NID1: variants seen among roughly 807,000 people sequenced by gnomAD.
NID1 encodes nidogen 1, also known as nidogen-1.
NID1 carries 76 observed loss-of-function variants against 130.6 expected under a neutral mutation model. That is an observed-to-expected ratio of 0.58 (90% CI 0.48 to 0.70). The LOEUF is 0.70. Ranked by LOEUF, NID1 falls within the 30% of genes least tolerant of loss-of-function variation. The pLI is 0.00. For synonymous variants in NID1, 665 were observed against 675.1 expected, an observed-to-expected ratio of 0.98 and a Z score of 0.23; for missense variants, 1,517 against 1,664.8, an observed-to-expected ratio of 0.91 and a Z score of 1.54.
At position 235,976,739 on chromosome 1, in the gene NID1, G is replaced by A. The variant is rs909570454; in HGVS notation, c.*1128C>T. 6.6e-6 allele frequency: 1 copy of A among 152,152 alleles called. No homozygotes were observed. Among genetic ancestry groups the A allele is most frequent in the African/African-American group, 2.4e-5 (1 of 41,426 alleles). The allele number at this position is 152,152 out of a possible 1,614,324, so 9.4% of individuals were successfully genotyped here. A position where few individuals can be genotyped will look rare whatever the true frequency, so the allele number is the denominator to read the frequency against. ...GAGCAATAAAGGATATGAACCATTA[G>A]TATAAATATTCAATTCAGTCTTTCC... On this transcript the variant is annotated 3_prime_UTR_variant, in exon 20 of 20. Coordinates refer to ENST00000264187, the MANE Select transcript of NID1 (RefSeq NM_002508.3).
rs571544787 is a variant in NID1, at chr1:235,992,644, A to C, written c.2755+1001T>G. ...CTCCCTACACTGTTCCTGTCTATTC[A>C]CCGTCCTTTCCGCTTCTTGGGGGCC... On this transcript the variant is annotated intron_variant, in intron 13 of 19. Coordinates refer to ENST00000264187, the MANE Select transcript of NID1 (RefSeq NM_002508.3). Among the ~76,000 whole-genome samples, 5 of 151,334 alleles carry C rather than the reference A, an allele frequency of 3.3e-5. No individual in the cohort carries two copies. In the East Asian group the frequency reaches 9.7e-4, roughly 29 times the overall value.
chr1:236,003,174 C>T (rs1028904551), intron 12 of NID1, among the ~76,000 whole-genome samples: 1 of 149,138 alleles, frequency 6.7e-6, no homozygotes, highest in Admixed American at 6.6e-5. Context: ...AGTTGTCACT[C>T]CTAGTGAACG....
chr1:236,004,922 T>A (rs1259181873), intron 12 of NID1, among the ~76,000 whole-genome samples: 1 of 151,952 alleles, frequency 6.6e-6, no homozygotes, highest in Non-Finnish European at 1.5e-5. Flanking sequence ...ACGCCTGTAA[T>A]CCCAACACTT....
intron 2 of NID1, among the ~76,000 whole-genome samples, chr1:236,048,025 CAAAAAAAAAAA>C (rs57153446): frequency 2.9e-5 from 1 of 33,938 alleles, no homozygotes; most frequent in African/African-American, 1.3e-4. Context: ...GACTCCATCT[CAAAAAAAAAAA>C]AAAAAAAAAA....
intron 14 of NID1, among the ~76,000 whole-genome samples, chr1:235,987,449 T>C (rs1377136196): frequency 1.3e-5 from 2 of 152,370 alleles, no homozygotes; most frequent in Non-Finnish European, 2.9e-5. Context: ...AGGACCTCTC[T>C]GTATACCTTT....
chr1:236,049,130 A>T (rs1659695089), intron 1 of NID1, 141 bp from the exon 2 acceptor site: 4 of 850,942 alleles, frequency 4.7e-6, no homozygotes, highest in Non-Finnish European at 7.2e-6. Context: ...ACGAGCCTGA[A>T]CCGCATACCC....
intron 12 of NID1, among the ~76,000 whole-genome samples, chr1:235,997,232 T>G (rs1657953656): frequency 6.6e-6 from 1 of 152,202 alleles, no homozygotes; most frequent in African/African-American, 2.4e-5. Flanking sequence ...ATAAATATTT[T>G]CGGCTTTGTG....
At position 236,048,824 on chromosome 1, in the gene NID1, T is replaced by A. The variant is rs557002349; in HGVS notation, c.391A>T (p.Thr131Ser). The change falls in exon 2 of 20, where the codon ACT becomes TCT. Residue 131 changes from threonine (T) to serine (S), a missense_variant. Around this residue, in one of 3 missense-constraint regions of NID1, gnomAD observed 1,329 missense variants for 1,429.2 expected, o/e 0.93. Transcript: ENST00000264187. ...YYREDLSPSI[T>S]QRAAECVHRG... ...TGGACACACTCTGCTGCTCGCTGAG[T>A]GATGGAGGGGGATAAGTCTTCTCGA... The A allele has an allele frequency of 2.5e-6, 4 of 1,614,112 alleles. No individual in the cohort carries two copies. The highest frequency in any genetic ancestry group is 1.7e-5 in the Admixed American group (1 of 60,004).
At chr1:236,006,862 C>A (rs1018597533) in intron 12 of NID1, among the ~76,000 whole-genome samples, 1 of 151,326 alleles carries the variant, frequency 6.6e-6, no homozygotes, top group Admixed American at 6.6e-5. Flanking sequence ...TTTATTTTTA[C>A]AATATAAAGA....
rs193170815 is a variant in NID1, at chr1:235,975,871, C to T, written c.*1996G>A. Reference sequence around the variant, plus strand: ...AAGTTTATTTTCCACACTATTTGTACAGCTGTAAACTCAAGGAATCATCCA... The same window carrying T: ...AAGTTTATTTTCCACACTATTTGTATAGCTGTAAACTCAAGGAATCATCCA... On this transcript the variant is annotated 3_prime_UTR_variant, in exon 20 of 20. Coordinates refer to ENST00000264187, the MANE Select transcript of NID1 (RefSeq NM_002508.3). 49 of 152,672 alleles carry T rather than the reference C, an allele frequency of 3.2e-4. 1 individual carries two copies. The highest frequency in any genetic ancestry group is 6.6e-4 in the Non-Finnish European group (45 of 68,032). The allele number at this position is 152,672 out of a possible 1,614,324, so 9.5% of individuals were successfully genotyped here.
rs1165543649 is a variant in NID1 at position 236,048,835 on chromosome 1, G to A, written c.380C>T (p.Ser127Phe). ...TGCTGCTCGCTGAGTGATGGAGGGG[G>A]ATAAGTCTTCTCGATAATAAACCTT... ...LGKVYYREDL[S>F]PSITQRAAEC... Residue 127 changes from serine (S) to phenylalanine (F), a missense_variant, in exon 2 of 20, where the codon TCC becomes TTC. Transcript: ENST00000264187. The A allele has an allele frequency of 6.2e-7, 1 of 1,614,164 alleles. No individual in the cohort carries two copies. Among genetic ancestry groups the A allele is most frequent in the Non-Finnish European group, 8.5e-7 (1 of 1,180,026 alleles).
intron 5 of NID1, among the ~76,000 whole-genome samples, chr1:236,034,802 A>G (rs573795149): frequency 1.2e-4 from 19 of 152,284 alleles, no homozygotes; most frequent in African/African-American, 4.1e-4. Flanking sequence ...ATCTCAGGAA[A>G]ACAAAAACTG....
chr1:235,980,696 G>A (rs1558419533), intron 16 of NID1, 43 bp from the exon 17 acceptor site: 2 of 1,585,304 alleles, frequency 1.3e-6, no homozygotes, highest in African/African-American at 1.4e-5. Flanking sequence ...GAAATAATAA[G>A]GATGCATGAG....
intron 1 of NID1, among the ~76,000 whole-genome samples, chr1:236,053,424 T>C (rs1156641509): frequency 2.0e-5 from 3 of 152,082 alleles, no homozygotes; most frequent in Non-Finnish European, 4.4e-5. Flanking sequence ...TATGGCACTT[T>C]CTCCATCTCA....
intron 2 of NID1, among the ~76,000 whole-genome samples, chr1:236,046,079 A>C (rs779342489): frequency 6.6e-6 from 1 of 152,152 alleles, no homozygotes; most frequent in Non-Finnish European, 1.5e-5. Context: ...CATTTATTGA[A>C]CCCAAGCACC....
At chr1:236,035,438 A>G (rs868564607) in intron 5 of NID1, among the ~76,000 whole-genome samples, 2 of 126,082 alleles carry the variant, frequency 1.6e-5, no homozygotes, top group Non-Finnish European at 3.3e-5. Context: ...ATTGTGAATA[A>G]TGCCGCAATA....
intron 4 of NID1, among the ~76,000 whole-genome samples, chr1:236,040,566 C>A (rs988024601): frequency 3.3e-5 from 5 of 151,912 alleles, no homozygotes; most frequent in African/African-American, 1.2e-4. Context: ...ATAAGCTTAT[C>A]TAAAGGCTTG....
In NID1 at chr1:235,977,715, G is replaced by A; in HGVS notation, c.*152C>T. On this transcript the variant is annotated 3_prime_UTR_variant, in exon 20 of 20. Transcript: ENST00000264187. The stretch of plus-strand genomic sequence containing the variant: ...AGAAGTCCAGGGTGCATGTTTTGGG[G>A]AACAGTGAGGGAAAAGTTGTTGGGG... The A allele has an allele frequency of 1.3e-6, 1 of 785,792 alleles. No individual in the cohort carries two copies. The highest frequency in any genetic ancestry group is 1.7e-5 in the African/African-American group (1 of 57,804). The allele number at this position is 785,792 out of a possible 1,614,324, so 48.7% of individuals were successfully genotyped here.
intron 4 of NID1, among the ~76,000 whole-genome samples, chr1:236,041,464 A>G (rs1659448493): frequency 6.6e-6 from 1 of 152,214 alleles, no homozygotes; most frequent in Non-Finnish European, 1.5e-5. Context: ...AAAAATAATC[A>G]ACAATTCTAA....
Sources: gnomAD v4.1 joint callset for allele counts (sites outside exome capture counted in the v4.1 genomes callset) on GRCh38, gnomAD v4.1.1 for gene constraint, gnomAD v4.1.1 regional missense constraint, MANE v1.5 for transcripts, NCBI Gene and HGNC (gene_info 2026-07-23, HGNC 2026-07-21) for gene names.